Variants in EPHA5 observed in about 807,000 individuals in gnomAD.
EPHA5 encodes the protein EPH receptor A5, also known as ephrin type-A receptor 5.
A neutral mutation model predicts 105.0 loss-of-function variants in EPHA5; 60 were observed. The ratio of observed to expected loss-of-function variants is 0.57; its 90% CI spans 0.46 to 0.71. The LOEUF (loss-of-function observed/expected upper bound fraction) is 0.71, where lower values mean the gene tolerates loss of function less well. Among genes scored for constraint, EPHA5 ranks in the 30% least tolerant of loss-of-function variants. The probability of loss-of-function intolerance (pLI) is 0.00; values close to 1 mark genes in which losing one functional copy is unlikely to be tolerated. For synonymous variants in EPHA5, 513 were observed against 449.1 expected (o/e 1.14, Z -1.80); for missense variants, 1,218 against 1,274.7 (o/e 0.96, Z 0.68).
chr4:65,452,858 C>A (rs918862371), intron 5 of EPHA5, among the ~76,000 whole-genome samples: 1 of 152,094 alleles, frequency 6.6e-6, no homozygotes, highest in Non-Finnish European at 1.5e-5. Context: ...GGTACAATAA[C>A]CTAAACTTAA....
chr4:65,359,843 T>C (rs1248573547), intron 11 of EPHA5, among the ~76,000 whole-genome samples: 1 of 151,660 alleles, frequency 6.6e-6, no homozygotes, highest in African/African-American at 2.4e-5. Flanking sequence ...AATCAAATTC[T>C]ATCCCATGTT....
chr4:65,506,429 T>C, intron 3 of EPHA5, among the ~76,000 whole-genome samples: 1 of 145,444 alleles, frequency 6.9e-6, no homozygotes, highest in Admixed American at 6.8e-5. Context: ...CGCCACACTG[T>C]CTTCCACAAT....
intron 3 of EPHA5, among the ~76,000 whole-genome samples, chr4:65,585,808 A>C (rs1190527839): frequency 1.3e-5 from 2 of 151,750 alleles, no homozygotes; most frequent in East Asian, 3.9e-4. Context: ...ATTTACACAA[A>C]ATAAAGGAGC....
At chr4:65,506,691 T>C (rs1002682953) in intron 3 of EPHA5, among the ~76,000 whole-genome samples, 6 of 150,770 alleles carry the variant, frequency 4.0e-5, no homozygotes, top group African/African-American at 1.5e-4. Flanking sequence ...TGTCTGTTCA[T>C]ATCCTTCGCC....
intron 8 of EPHA5, among the ~76,000 whole-genome samples, chr4:65,369,236 A>T (rs1388687847): frequency 6.6e-6 from 1 of 152,174 alleles, no homozygotes; most frequent in Non-Finnish European, 1.5e-5. Context: ...AGGTGTTTGG[A>T]GAGGGAATGT....
chr4:65,358,390 C>T (rs1487901390), intron 11 of EPHA5, among the ~76,000 whole-genome samples: 2 of 151,468 alleles, frequency 1.3e-5, no homozygotes, highest in Non-Finnish European at 3.0e-5. Context: ...TAAAAGTAAG[C>T]CTCTGCTTAT....
chr4:65,363,268 T>C (rs939494745), intron 11 of EPHA5, among the ~76,000 whole-genome samples: 2 of 151,628 alleles, frequency 1.3e-5, no homozygotes, highest in African/African-American at 4.8e-5. Context: ...CTAAACCTCA[T>C]CTATATTAAT....
chr4:65,408,891 A>G (rs929432326), intron 7 of EPHA5, among the ~76,000 whole-genome samples: 5 of 152,036 alleles, frequency 3.3e-5, no homozygotes, highest in African/African-American at 9.7e-5. Flanking sequence ...ACATGCACAC[A>G]TATGTTTATT....
In EPHA5 at chr4:65,538,884, A is replaced by G. The variant is rs1352106726; in HGVS notation, c.911-43341T>C. ...CCTAAAGATGGTAAGAAATGTAGCA[A>G]TTACCTTAGATCCAACACTCATGTT... is the stretch of plus-strand genomic sequence containing the variant. On this transcript the variant is annotated intron_variant, in intron 3 of 16. Coordinates refer to ENST00000613740, the MANE Select transcript of EPHA5 (RefSeq NM_001281766.3). 2.6e-5 allele frequency among the ~76,000 whole-genome samples: 4 copies of G among 151,686 alleles called. No individual in the cohort carries two copies. The Admixed American group carries it at 2.6e-4, about 10-fold the overall frequency.
chr4:65,496,484 G>GT (rs1322186596), intron 3 of EPHA5, among the ~76,000 whole-genome samples: 1 of 149,904 alleles, frequency 6.7e-6, no homozygotes, highest in African/African-American at 2.5e-5. Flanking sequence ...GTGGTGTTTG[G>GT]TTTTTTGTTC....
At chr4:65,550,547 C>A (rs1355315619) in intron 3 of EPHA5, among the ~76,000 whole-genome samples, 1 of 151,980 alleles carries the variant, frequency 6.6e-6, no homozygotes, top group African/African-American at 2.4e-5. Context: ...TTAAAAGAAA[C>A]AACTACAGCC....
Position 65,322,874 on chromosome 4 carries a change from G to T in EPHA5, c.*1240C>A, listed in dbSNP as rs904295934. On this transcript the variant is annotated 3_prime_UTR_variant, in exon 17 of 17. Transcript: ENST00000613740. Reference sequence around the variant, plus strand: ...TATATATATTTGTCATAATTCCATTGCTGCCTTAGAGTCAAAATTTCTAGA... The same window carrying T: ...TATATATATTTGTCATAATTCCATTTCTGCCTTAGAGTCAAAATTTCTAGA... 4 of 228,786 alleles carry T rather than the reference G, an allele frequency of 1.7e-5. No homozygotes were observed. The highest frequency in any genetic ancestry group is 2.2e-5 in the African/African-American group (1 of 44,954). 14.2% of individuals were successfully genotyped at this position (228,786 alleles called of 1,614,324 possible).
At chr4:65,462,077 A>G (rs955424450) in intron 5 of EPHA5, among the ~76,000 whole-genome samples, 5 of 152,150 alleles carry the variant, frequency 3.3e-5, no homozygotes, top group Admixed American at 3.3e-4. Flanking sequence ...CATAATTAAT[A>G]CAGGGCTATT....
intron 1 of EPHA5, among the ~76,000 whole-genome samples, chr4:65,667,671 C>G (rs1443805231): frequency 6.6e-6 from 1 of 152,206 alleles, no homozygotes; most frequent in Non-Finnish European, 1.5e-5. Flanking sequence ...TCTGCCTCTT[C>G]CTCCCTGCAC....
intron 3 of EPHA5, among the ~76,000 whole-genome samples, chr4:65,579,576 TA>T (rs1741412239): frequency 6.6e-6 from 1 of 151,764 alleles, no homozygotes. Flanking sequence ...ATTATGAGAA[TA>T]ATTACTAGTT....
At chr4:65,546,694 C>G (rs1737403780) in intron 3 of EPHA5, among the ~76,000 whole-genome samples, 1 of 151,938 alleles carries the variant, frequency 6.6e-6, no homozygotes, top group Non-Finnish European at 1.5e-5. Context: ...ATAGTAATGA[C>G]TTTCAACATT....
intron 8 of EPHA5, among the ~76,000 whole-genome samples, chr4:65,369,330 A>C (rs1293550698): frequency 2.0e-5 from 3 of 152,158 alleles, no homozygotes; most frequent in Non-Finnish European, 4.4e-5. Flanking sequence ...TTTTTAGTGA[A>C]ACTCTAAAGA....
At chr4:65,460,382 A>G (rs912120336) in intron 5 of EPHA5, among the ~76,000 whole-genome samples, 2 of 151,314 alleles carry the variant, frequency 1.3e-5, no homozygotes, top group Non-Finnish European at 3.0e-5. Flanking sequence ...CTATTAAAAC[A>G]TTATTTAGTT....
chr4:65,377,006 G>C (rs748972919), intron 8 of EPHA5: 1 of 1,607,902 alleles, frequency 6.2e-7, no homozygotes, highest in Non-Finnish European at 8.5e-7. Context: ...ACCATATTAG[G>C]CTTGGATGGG....
Sources: gnomAD v4.1 joint callset for allele counts (sites outside exome capture counted in the v4.1 genomes callset) on GRCh38, gnomAD v4.1.1 for gene constraint, MANE v1.5 for transcripts, NCBI Gene and HGNC (gene_info 2026-07-23, HGNC 2026-07-21) for gene names.